MILR1: variants seen among roughly 807,000 people sequenced by gnomAD.
MILR1 encodes the protein allergin-1.
A neutral mutation model predicts 18.5 loss-of-function variants in MILR1; 31 were observed. The ratio of observed to expected loss-of-function variants is 1.68; its 90% confidence interval spans 1.26 to 2.26. The LOEUF (loss-of-function observed/expected upper bound fraction) is 2.26, where lower values mean the gene tolerates loss of function less well. Ranked by LOEUF, MILR1 falls within the 30% of genes most tolerant of loss-of-function variation. The pLI is 0.00. For synonymous variants in MILR1, 85 were observed against 56.2 expected (o/e 1.51, Z -2.30); for missense variants, 257 against 157.4 (o/e 1.63, Z -3.38).
At chr17:64,480,504 C>A in the MILR1 span, 1 of 537,754 alleles carries the variant, frequency 1.9e-6, no homozygotes, top group Non-Finnish European at 3.6e-6. Context: ...GGGTATGTTT[C>A]TTTAATTATG....
chr17:64,490,177 C>A, the MILR1 span, among the ~76,000 whole-genome samples: 12 of 152,278 alleles, frequency 7.9e-5, no homozygotes, highest in African/African-American at 2.6e-4. Context: ...CCCACTTCGG[C>A]CTCACAAAGT....
At chr17:64,463,200 GT>G (rs1467080156) in intron 5 of MILR1, among the ~76,000 whole-genome samples, 8 of 151,904 alleles carry the variant, frequency 5.3e-5, no homozygotes, top group African/African-American at 1.9e-4. Flanking sequence ...TAGAGACGGG[GT>G]CTCACTGTGT....
At chr17:64,468,078 G>A in intron 9 of MILR1, 1 of 360,898 alleles carries the variant, frequency 2.8e-6, no homozygotes, top group South Asian at 2.1e-5. Context: ...GTGGGGGAGG[G>A]AGAATGTTTT....
the MILR1 span, chr17:64,490,556 C>T: frequency 3.9e-6 from 2 of 507,250 alleles, no homozygotes; most frequent in South Asian, 4.1e-5. Flanking sequence ...GATCTTGGAC[C>T]TATAAATGCC....
the MILR1 span, chr17:64,490,686 TACACAATGAAGTGTTAA>T: frequency 1.2e-6 from 1 of 812,488 alleles, no homozygotes; most frequent in East Asian, 2.6e-5. Context: ...ATCTGAAAAA[TACACAATGAAGTGTTAA>T]GACACCACGT....
chr17:64,471,514 T>C (rs534908163), downstream of MILR1, among the ~76,000 whole-genome samples: 60 of 152,140 alleles, frequency 3.9e-4, no homozygotes, highest in Non-Finnish European at 7.9e-4. Context: ...TATTGTGCAA[T>C]TGAAGCAAGA....
chr17:64,464,003 T>C (rs1189386942), intron 5 of MILR1, among the ~76,000 whole-genome samples: 14 of 151,890 alleles, frequency 9.2e-5, no homozygotes, highest in African/African-American at 3.4e-4. Flanking sequence ...TTTGTATTTT[T>C]AGTAGAGATG....
chr17:64,465,980 G>A (rs1381872608), intron 6 of MILR1, among the ~76,000 whole-genome samples: 3 of 152,204 alleles, frequency 2.0e-5, no homozygotes, highest in Non-Finnish European at 2.9e-5. Flanking sequence ...GGACATACCT[G>A]AGATGGGGTA....
chr17:64,451,911 A>G (rs1441111954), intron 2 of MILR1, among the ~76,000 whole-genome samples: 4 of 151,818 alleles, frequency 2.6e-5, no homozygotes, highest in Non-Finnish European at 5.9e-5. Flanking sequence ...CAGCCTGGGC[A>G]ACAGAGTGAG....
At chr17:64,466,353 C>T in intron 6 of MILR1, 89 bp from the exon 7 acceptor site, 7 of 1,088,834 alleles carry the variant, frequency 6.4e-6, no homozygotes, top group East Asian at 2.6e-5. Context: ...CCTACATGGC[C>T]ACATTCCAGA....
chr17:64,467,935 C>CAAAAAAAAAA, intron 9 of MILR1: 1 of 153,148 alleles, frequency 6.5e-6, no homozygotes, highest in South Asian at 5.5e-5. Flanking sequence ...GACTTCATCT[C>CAAAAAAAAAA]AAAAAAAAAA....
chr17:64,477,734 A>T, the MILR1 span: 6 of 1,337,550 alleles, frequency 4.5e-6, no homozygotes, highest in African/African-American at 7.4e-5. Context: ...TGTCCACTTT[A>T]TAAGTGCAAA....
At chr17:64,493,708 G>A in the MILR1 span, among the ~76,000 whole-genome samples, 97 of 152,076 alleles carry the variant, frequency 6.4e-4, 2 homozygotes, top group Admixed American at 4.8e-3. Context: ...GGTTGGTCTC[G>A]ATCTCCTGAC....
intron 4 of MILR1, among the ~76,000 whole-genome samples, chr17:64,458,687 C>G (rs1417849426): frequency 6.6e-6 from 1 of 152,024 alleles, no homozygotes; most frequent in Non-Finnish European, 1.5e-5. Flanking sequence ...GCACCTTCCC[C>G]TAGGCTGAGG....
the MILR1 span, chr17:64,491,571 C>T: frequency 1.3e-6 from 2 of 1,552,510 alleles, no homozygotes; most frequent in Admixed American, 1.7e-5. Context: ...GGAGGTCAAA[C>T]TAGGGGAGCT....
intron 6 of MILR1, among the ~76,000 whole-genome samples, chr17:64,466,179 TCA>T (rs1404546348): frequency 8.5e-5 from 13 of 152,192 alleles, no homozygotes; most frequent in African/African-American, 3.1e-4. Flanking sequence ...GAGAACTAAC[TCA>T]CTGTCACTAG....
chr17:64,458,883 T>A (rs2037361339), intron 4 of MILR1, among the ~76,000 whole-genome samples: 1 of 152,144 alleles, frequency 6.6e-6, no homozygotes, highest in Non-Finnish European at 1.5e-5. Context: ...TGAGCATCCC[T>A]GAACCTGAGC....
chr17:64,483,772 C>T, the MILR1 span, among the ~76,000 whole-genome samples: 3 of 150,580 alleles, frequency 2.0e-5, no homozygotes, highest in Non-Finnish European at 4.4e-5. Flanking sequence ...CTAGAATGCT[C>T]CACTCACTGC....
At chr17:64,489,764 G>GA in the MILR1 span, among the ~76,000 whole-genome samples, 174 of 142,278 alleles carry the variant, frequency 1.2e-3, 2 homozygotes, top group East Asian at 0.017. Flanking sequence ...CTCAAATAAA[G>GA]AAAAAAAAAA....
Sources: allele counts gnomAD v4.1 joint callset (sites outside exome capture counted in the v4.1 genomes callset), GRCh38; gene constraint gnomAD v4.1.1; transcripts MANE v1.5; gene names NCBI Gene and HGNC (gene_info 2026-07-23, HGNC 2026-07-21).